The following GRAMD2B variants were observed in gnomAD, a reference collection of about 807,000 sequenced individuals.
The protein encoded by GRAMD2B is GRAM domain-containing protein 2B.
Under a neutral mutation model 59.2 loss-of-function variants are expected in GRAMD2B, and 41 were observed. That is an observed-to-expected ratio of 0.69 (90% CI 0.54 to 0.90). The LOEUF (loss-of-function observed/expected upper bound fraction) is 0.90, where lower values mean the gene tolerates loss of function less well. Among genes scored for constraint, GRAMD2B ranks in the 40% least tolerant of loss-of-function variants. The probability of loss-of-function intolerance (pLI) is 0.00; values close to 1 mark genes in which losing one functional copy is unlikely to be tolerated. For missense variants in GRAMD2B, 424 were observed against 500.5 expected (o/e 0.85, Z 1.46); for synonymous variants, 161 against 182.7 (o/e 0.88, Z 0.96).
chr5:126,465,030 T>C, intron 1 of GRAMD2B: 1 of 1,009,386 alleles, frequency 9.9e-7, no homozygotes, highest in Middle Eastern at 4.9e-4. Context: ...GGGTGGGGGT[T>C]CCCAGCAGGA....
At chr5:126,407,873 T>C (rs1469473023) in intron 1 of GRAMD2B, among the ~76,000 whole-genome samples, 1 of 152,102 alleles carries the variant, frequency 6.6e-6, no homozygotes, top group Non-Finnish European at 1.5e-5. Context: ...CTAAGTCCTT[T>C]GTATATATTA....
chr5:126,420,070 A>AAAAAAAAAAAG (rs1554076419), upstream of GRAMD2B, among the ~76,000 whole-genome samples: 1 of 148,128 alleles, frequency 6.8e-6, no homozygotes, highest in Non-Finnish European at 1.5e-5. Flanking sequence ...AAAAAAAAAA[A>AAAAAAAAAAAG]AAAGAAAGAA....
At chr5:126,432,636 CTG>C (rs151074251) in intron 1 of GRAMD2B, among the ~76,000 whole-genome samples, 2,208 of 152,260 alleles carry the variant, frequency 0.015, 48 homozygotes, top group African/African-American at 0.05. Context: ...GCAGGTTACT[CTG>C]TGTAATATAC....
intron 1 of GRAMD2B, among the ~76,000 whole-genome samples, chr5:126,363,951 C>T (rs1042607616): frequency 4.6e-5 from 7 of 152,096 alleles, no homozygotes; most frequent in African/African-American, 1.7e-4. Flanking sequence ...GAATTGTACA[C>T]TTCGAACAAG....
At chr5:126,452,576 A>G (rs1191101130) in intron 1 of GRAMD2B, among the ~76,000 whole-genome samples, 1 of 152,218 alleles carries the variant, frequency 6.6e-6, no homozygotes, top group East Asian at 1.9e-4. Context: ...AAGCACCCTT[A>G]TCCGTCCATC....
rs898394817 is a variant in GRAMD2B at position 126,480,892 on chromosome 5, A to G, written c.735+185A>G. The G allele has an allele frequency of 5.0e-6, 3 of 597,460 alleles. No individual in the cohort carries two copies. In the East Asian group the frequency reaches 8.3e-5, roughly 17 times the overall value. 37.0% of individuals were successfully genotyped at this position (597,460 alleles called of 1,614,324 possible). A position where few individuals can be genotyped will look rare whatever the true frequency, so the allele number is the denominator to read the frequency against. On this transcript the variant is annotated intron_variant, in intron 8 of 13. Coordinates refer to ENST00000285689, the MANE Select transcript of GRAMD2B (RefSeq NM_023927.4). ...ACCATAGTAGCCATAAACTTTTTCCAAGTAATTGAAGAGTTGTCCTGCAAA... is the reference window on the plus strand; with the variant it reads ...ACCATAGTAGCCATAAACTTTTTCCGAGTAATTGAAGAGTTGTCCTGCAAA...
At chr5:126,387,809 G>A (rs886551827) in intron 1 of GRAMD2B, among the ~76,000 whole-genome samples, 7 of 151,988 alleles carry the variant, frequency 4.6e-5, no homozygotes, top group African/African-American at 1.2e-4. Flanking sequence ...TCCTTCTGGG[G>A]AAAAAATGAA....
intron 1 of GRAMD2B, among the ~76,000 whole-genome samples, chr5:126,402,254 G>A (rs987191354): frequency 4.6e-5 from 7 of 152,004 alleles, no homozygotes; most frequent in Non-Finnish European, 8.8e-5. Flanking sequence ...CACCCTAAGT[G>A]GAAAAAGGAA....
At chr5:126,461,151 T>G (rs1414193301) in intron 1 of GRAMD2B, among the ~76,000 whole-genome samples, 7 of 152,168 alleles carry the variant, frequency 4.6e-5, no homozygotes, top group Non-Finnish European at 1.0e-4. Context: ...GAATCATAGC[T>G]TCTACCTTCA....
rs189202410 is a variant in GRAMD2B at position 126,493,585 on chromosome 5, T to A, written c.*629T>A. 1 of 152,388 alleles carries A rather than the reference T, an allele frequency of 6.6e-6. No individual in the cohort carries two copies. The highest frequency in any genetic ancestry group is 2.4e-5 in the African/African-American group (1 of 41,576). 9.4% of individuals were successfully genotyped at this position (152,388 alleles called of 1,614,324 possible). A position where few individuals can be genotyped will look rare whatever the true frequency, so the allele number is the denominator to read the frequency against. ...CAAGCAAGGTGAATTTAACATTATGTTTATGTTTTGTTTTGTTGCTGTAAC... is the reference window on the plus strand; with the variant it reads ...CAAGCAAGGTGAATTTAACATTATGATTATGTTTTGTTTTGTTGCTGTAAC... On this transcript the variant is annotated 3_prime_UTR_variant, in exon 14 of 14. Transcript: ENST00000285689.
intron 1 of GRAMD2B, among the ~76,000 whole-genome samples, chr5:126,388,423 C>A (rs1370466719): frequency 2.0e-5 from 3 of 151,646 alleles, no homozygotes; most frequent in Non-Finnish European, 4.4e-5. Flanking sequence ...TGTTTTCAAC[C>A]AAGACAAATT....
chr5:126,465,496 C>T lies in GRAMD2B; in HGVS notation c.154C>T (p.Pro52Ser), dbSNP rs1052416324. The T allele has an allele frequency of 1.9e-6, 3 of 1,614,162 alleles. No homozygotes were observed. The highest frequency in any genetic ancestry group is 2.5e-6 in the Non-Finnish European group (3 of 1,180,022). Residue 52 changes from proline (P) to serine (S), a missense_variant, in exon 2 of 14, where the codon CCA (proline) becomes TCA (serine). Transcript: ENST00000285689. The part of the protein sequence containing the change: ...CRSPTAQSPT[P>S]SVEADSPDQK... ...GTCGCCAACAGCCCAATCCCCTACC[C>T]CATCTGTGGAGGCGGACTCCCCAGA...
intron 1 of GRAMD2B, among the ~76,000 whole-genome samples, chr5:126,374,638 T>G (rs754270466): frequency 2.6e-4 from 40 of 152,258 alleles, no homozygotes; most frequent in Non-Finnish European, 5.3e-4. Context: ...CATATGTATT[T>G]TCTGCTAGAA....
At chr5:126,368,423 A>C (rs891910413), upstream of GRAMD2B, among the ~76,000 whole-genome samples, 2 of 152,254 alleles carry the variant, frequency 1.3e-5, no homozygotes, top group Non-Finnish European at 2.9e-5. Flanking sequence ...TGTACTATCA[A>C]AACCTTATTC....
Position 126,423,564 on chromosome 5 carries a change from C to T in GRAMD2B, c.-43C>T, listed in dbSNP as rs989633842. On this transcript the variant is annotated 5_prime_UTR_variant, in exon 1 of 14. Coordinates refer to ENST00000285689, the MANE Select transcript of GRAMD2B (RefSeq NM_023927.4). The stretch of plus-strand genomic sequence containing the variant: ...AAGCCGGGACGAGCCGGGGCAGAGC[C>T]AGGCGCGCGGAAGTCTGAAGGTGCC... 1.3e-6 allele frequency: 2 copies of T among 1,595,606 alleles called. No individual in the cohort carries two copies. The highest frequency in any genetic ancestry group is 1.3e-5 in the African/African-American group (1 of 74,550).
intron 1 of GRAMD2B, among the ~76,000 whole-genome samples, chr5:126,373,849 T>C (rs1580686126): frequency 1.3e-5 from 2 of 152,260 alleles, no homozygotes; most frequent in Middle Eastern, 3.4e-3. Flanking sequence ...GGAAGAAGTC[T>C]AGAGGAAACT....
In GRAMD2B at chr5:126,469,794, T is replaced by C. The variant is rs1195561163; in HGVS notation, c.315+6T>C. 3 of 1,596,688 alleles carry C rather than the reference T, an allele frequency of 1.9e-6. No homozygotes were observed. Among genetic ancestry groups the C allele is most frequent in the Admixed American group, 1.7e-5 (1 of 59,504 alleles). ...AGTCTTCATCTTCCAGCCAGGTAAT[T>C]TGAGAATGGAATTTGTATTGTCTTA... On this transcript the variant is annotated splice_donor_region_variant and intron_variant, in intron 3 of 13. Transcript: ENST00000285689.
intron 2 of GRAMD2B, 105 bp downstream of exon 2, chr5:126,465,650 T>C (rs917025704): frequency 1.1e-5 from 11 of 962,230 alleles, no homozygotes; most frequent in Non-Finnish European, 1.6e-5. Flanking sequence ...ATTAATACTA[T>C]AGACAAATAA....
At chr5:126,395,291 T>C (rs1757262350) in intron 1 of GRAMD2B, among the ~76,000 whole-genome samples, 2 of 152,330 alleles carry the variant, frequency 1.3e-5, no homozygotes, top group Non-Finnish European at 1.5e-5. Context: ...ATCATGAAGT[T>C]CATTTTTTAA....
Sources: gnomAD v4.1 joint callset for allele counts (sites outside exome capture counted in the v4.1 genomes callset) on GRCh38, gnomAD v4.1.1 for gene constraint, MANE v1.5 for transcripts, NCBI Gene and HGNC (gene_info 2026-07-23, HGNC 2026-07-21) for gene names.